The following NUP210L variants were observed in gnomAD, a reference collection of about 807,000 sequenced individuals.
The protein encoded by NUP210L is nuclear pore membrane glycoprotein 210-like.
Under a neutral mutation model 208.5 loss-of-function variants are expected in NUP210L, and 74 were observed. The observed-to-expected ratio is 0.35, with a 90% CI of 0.29 to 0.43. The LOEUF (loss-of-function observed/expected upper bound fraction) is 0.43. NUP210L is among the 20% of genes least tolerant of loss of function. The probability of loss-of-function intolerance (pLI) is 1.00; values close to 1 mark genes in which losing one functional copy is unlikely to be tolerated. For synonymous variants in NUP210L, 780 were observed against 816.9 expected, an observed-to-expected ratio of 0.95 and a Z score of 0.77; for missense variants, 1,843 against 2,289.4, an observed-to-expected ratio of 0.81 and a Z score of 3.98.
At chr1:154,025,445 A>T in intron 30 of NUP210L, 97 bp downstream of exon 30, 1 of 787,648 alleles carries the variant, frequency 1.3e-6, no homozygotes, top group Non-Finnish European at 1.8e-6. Flanking sequence ...ATGGCATGAT[A>T]AGAAAATTTC....
chr1:154,100,184 T>C (rs774009833), intron 13 of NUP210L, 41 bp from the exon 14 acceptor site: 1 of 1,607,306 alleles, frequency 6.2e-7, no homozygotes, highest in Non-Finnish European at 8.5e-7. Context: ...GCGTGGTGGC[T>C]CAGGCTTGTA....
Position 154,111,501 on chromosome 1 carries a change from A to G in NUP210L, c.1620+6224T>C, listed in dbSNP as rs1322589948. ...ATTTAAAGGATCATTAGGGGCTACT[A>G]TGAGCAATTATATGCCAATAAATTG... On this transcript the variant is annotated intron_variant, in intron 12 of 39. Transcript: ENST00000368559. Among the ~76,000 whole-genome samples the G allele has an allele frequency of 2.6e-5, 4 of 151,746 alleles. No homozygotes were observed. In the East Asian group the frequency reaches 7.7e-4, roughly 29 times the overall value.
intron 23 of NUP210L, among the ~76,000 whole-genome samples, chr1:154,055,127 CTTTCTTTCTTTCTTTCTT>C (rs1653754277): frequency 5.6e-5 from 1 of 17,984 alleles, no homozygotes; most frequent in Non-Finnish European, 1.1e-4. Context: ...TCTTTCTTTT[CTTTCTTTCTTTCTTTCTT>C]TCTTTCTTTC....
chr1:154,126,911 T>C (rs1428337960), intron 9 of NUP210L, among the ~76,000 whole-genome samples: 2 of 152,074 alleles, frequency 1.3e-5, no homozygotes, highest in Admixed American at 6.6e-5. Context: ...ACCTCTTTTC[T>C]ATAATTCTGA....
At chr1:154,145,134 TTGGCTGGGCGTGA>T (rs1418854333) in intron 2 of NUP210L, among the ~76,000 whole-genome samples, 6 of 146,668 alleles carry the variant, frequency 4.1e-5, no homozygotes, top group African/African-American at 1.5e-4. Context: ...AAATTAAACA[TTGGCTGGGCGTGA>T]TGGCTCACGC....
intron 12 of NUP210L, among the ~76,000 whole-genome samples, chr1:154,113,492 T>C (rs1657151175): frequency 6.6e-6 from 1 of 151,980 alleles, no homozygotes; most frequent in African/African-American, 2.4e-5. Flanking sequence ...TTTACATTTT[T>C]AAAAGGTTGT....
At chr1:154,009,936 A>G (rs1444153370) in intron 35 of NUP210L, 36 bp downstream of exon 35, 4 of 1,549,774 alleles carry the variant, frequency 2.6e-6, no homozygotes, top group Non-Finnish European at 3.5e-6. Flanking sequence ...ATAGATAAAC[A>G]GAATGGGGAA....
intron 6 of NUP210L, among the ~76,000 whole-genome samples, chr1:154,136,301 A>C (rs1658543725): frequency 6.6e-6 from 1 of 151,906 alleles, no homozygotes; most frequent in Non-Finnish European, 1.5e-5. Flanking sequence ...AAAATACCAA[A>C]ATTAGCCGGG....
intron 35 of NUP210L, among the ~76,000 whole-genome samples, chr1:154,003,485 C>T (rs946741802): frequency 5.9e-5 from 9 of 151,984 alleles, no homozygotes; most frequent in African/African-American, 1.7e-4. Flanking sequence ...GGATTACAGG[C>T]GTGAGCCACC....
At chr1:154,152,362 C>T (rs972440805) in intron 2 of NUP210L, among the ~76,000 whole-genome samples, 5 of 151,542 alleles carry the variant, frequency 3.3e-5, no homozygotes, top group African/African-American at 9.7e-5. Flanking sequence ...TTAGTAGAGA[C>T]GAGGTTTTAC....
chr1:154,024,316 T>C (rs1217609119), intron 30 of NUP210L, among the ~76,000 whole-genome samples: 1 of 152,182 alleles, frequency 6.6e-6, no homozygotes, highest in Non-Finnish European at 1.5e-5. Context: ...CTCATGTAAC[T>C]TTTCTGGGTC....
chr1:154,068,280 C>T (rs1277177986), intron 17 of NUP210L, among the ~76,000 whole-genome samples: 2 of 152,154 alleles, frequency 1.3e-5, no homozygotes, highest in Non-Finnish European at 2.9e-5. Flanking sequence ...AATAATACCA[C>T]ACATCTACAA....
intron 16 of NUP210L, 58 bp from the exon 17 acceptor site, chr1:154,070,523 A>T: frequency 1.8e-6 from 2 of 1,139,886 alleles, no homozygotes; most frequent in Non-Finnish European, 2.4e-6. Context: ...CCTAAGGGGT[A>T]GTAAGATATC....
At chr1:154,071,442 C>T (rs778032527) in intron 16 of NUP210L, among the ~76,000 whole-genome samples, 3 of 150,282 alleles carry the variant, frequency 2.0e-5, no homozygotes, top group Non-Finnish European at 4.4e-5. Flanking sequence ...TCTCTTACCC[C>T]CCTCCACCTT....
intron 1 of NUP210L, among the ~76,000 whole-genome samples, chr1:154,154,474 T>C (rs1325772171): frequency 6.6e-6 from 1 of 152,188 alleles, no homozygotes; most frequent in Non-Finnish European, 1.5e-5. Context: ...CTTACTCTAG[T>C]TGTTTACATT....
At chr1:154,010,112 G>A in exon 35 of NUP210L, 1 of 1,612,432 alleles carries the variant, frequency 6.2e-7, no homozygotes, top group Non-Finnish European at 8.5e-7. Context: ...CTGGTTTGGG[G>A]TACAGAATCC....
At chr1:154,076,135 C>A (rs1392283171) in intron 16 of NUP210L, among the ~76,000 whole-genome samples, 2 of 139,518 alleles carry the variant, frequency 1.4e-5, no homozygotes, top group Non-Finnish European at 3.1e-5. Context: ...AACAGAGTCT[C>A]ACTCTGTTGC....
chr1:154,029,977 C>T, exon 28 of NUP210L: 3 of 1,612,306 alleles, frequency 1.9e-6, no homozygotes, highest in Non-Finnish European at 2.5e-6. Flanking sequence ...GAACAGTGAC[C>T]TTGATACTGG....
chr1:154,135,273 T>A (rs1363829694), intron 7 of NUP210L, among the ~76,000 whole-genome samples: 1 of 152,192 alleles, frequency 6.6e-6, no homozygotes, highest in Non-Finnish European at 1.5e-5. Context: ...ACAATTTGAT[T>A]GAGGTTGCAA....
Sources: allele counts gnomAD v4.1 joint callset (sites outside exome capture counted in the v4.1 genomes callset), GRCh38; gene constraint gnomAD v4.1.1; transcripts MANE v1.5; gene names NCBI Gene and HGNC (gene_info 2026-07-23, HGNC 2026-07-21).